Variants in CDC42BPA observed in about 807,000 individuals in gnomAD.
CDC42BPA encodes CDC42 binding protein kinase alpha.
Under a neutral mutation model 223.5 loss-of-function variants are expected in CDC42BPA, and 80 were observed. The ratio of observed to expected loss-of-function variants is 0.36; its 90% CI spans 0.30 to 0.43. CDC42BPA has a LOEUF of 0.43. CDC42BPA is among the 20% of genes least tolerant of loss of function. The pLI is 1.00. For missense variants in CDC42BPA, 1,743 were observed against 2,099.9 expected (o/e 0.83, Z 3.32); for synonymous variants, 694 against 718.6 (o/e 0.97, Z 0.55).
At chr1:227,142,892 A>G in intron 9 of CDC42BPA, 53 bp downstream of exon 9, 1 of 1,238,432 alleles carries the variant, frequency 8.1e-7, no homozygotes, top group Non-Finnish European at 1.1e-6. Flanking sequence ...TGTTGGGATT[A>G]CAGGCGTGAG....
At chr1:227,037,747 T>C (rs1352613652) in intron 24 of CDC42BPA, among the ~76,000 whole-genome samples, 1 of 152,194 alleles carries the variant, frequency 6.6e-6, no homozygotes, top group Non-Finnish European at 1.5e-5. Context: ...TACATCAATA[T>C]GAGAGATCTT....
intron 1 of CDC42BPA, among the ~76,000 whole-genome samples, chr1:227,297,967 T>TATATATACACACAC (rs369403944): frequency 3.6e-4 from 47 of 132,074 alleles, no homozygotes; most frequent in African/African-American, 1.3e-3. Flanking sequence ...TATATACATA[T>TATATATACACACAC]ACACACACAC....
chr1:227,000,659 T>C (rs1321297930), intron 35 of CDC42BPA, among the ~76,000 whole-genome samples: 1 of 152,212 alleles, frequency 6.6e-6, no homozygotes, highest in Non-Finnish European at 1.5e-5. Flanking sequence ...ACTGTGCTTC[T>C]GGTCTTTTCA....
chr1:227,226,523 C>A (rs1401661917), intron 2 of CDC42BPA, among the ~76,000 whole-genome samples: 1 of 152,116 alleles, frequency 6.6e-6, no homozygotes, highest in African/African-American at 2.4e-5. Flanking sequence ...TGAAGACTTT[C>A]ATCAATGACA....
intron 12 of CDC42BPA, among the ~76,000 whole-genome samples, chr1:227,115,278 T>A (rs1687594341): frequency 6.6e-6 from 1 of 152,056 alleles, no homozygotes. Flanking sequence ...TTATACTGGA[T>A]TAAGAAATGA....
At chr1:227,109,896 C>T (rs1686626519) in intron 14 of CDC42BPA, among the ~76,000 whole-genome samples, 1 of 151,750 alleles carries the variant, frequency 6.6e-6, no homozygotes, top group African/African-American at 2.4e-5. Flanking sequence ...ATCAAAACGT[C>T]ACGATCTCTA....
chr1:227,060,221 CG>C (rs1463115552), intron 21 of CDC42BPA, among the ~76,000 whole-genome samples: 1 of 151,756 alleles, frequency 6.6e-6, no homozygotes, highest in East Asian at 1.9e-4. Flanking sequence ...TTAATAGAGA[CG>C]GGGTTTCACC....
chr1:227,306,412 T>C (rs544127200), intron 1 of CDC42BPA, among the ~76,000 whole-genome samples: 16 of 152,148 alleles, frequency 1.1e-4, no homozygotes, highest in Non-Finnish European at 2.1e-4. Context: ...CAGAGGTACA[T>C]AGGCAAAAGA....
chr1:227,216,381 T>C (rs2813969), intron 2 of CDC42BPA, among the ~76,000 whole-genome samples: 95,922 of 152,050 alleles, frequency 0.63, 30,430 homozygotes, highest in East Asian at 0.74. Flanking sequence ...TGTATGTGGT[T>C]ATCAGGAATG....
intron 30 of CDC42BPA, 54 bp downstream of exon 30, chr1:227,028,603 G>C (rs1668696525): frequency 8.2e-7 from 1 of 1,222,186 alleles, no homozygotes; most frequent in African/African-American, 1.5e-5. Context: ...GAAGTAGAAG[G>C]GAAAAGGAAG....
At chr1:227,227,243 G>A (rs980734674) in intron 2 of CDC42BPA, among the ~76,000 whole-genome samples, 5 of 151,872 alleles carry the variant, frequency 3.3e-5, no homozygotes, top group Non-Finnish European at 5.9e-5. Context: ...AAAATATCCC[G>A]TCAACAGCTA....
intron 21 of CDC42BPA, among the ~76,000 whole-genome samples, chr1:227,056,638 G>A (rs1462353938): frequency 3.3e-5 from 5 of 152,040 alleles, no homozygotes; most frequent in Middle Eastern, 3.2e-3. Context: ...CGATTCTCCC[G>A]CCTTGGCCTC....
Position 227,010,996 on chromosome 1 carries a change from T to C in CDC42BPA, c.4857+5084A>G, listed in dbSNP as rs968158265. 5 of 1,361,734 alleles carry C rather than the reference T, an allele frequency of 3.7e-6. No homozygotes were observed. In the African/African-American group the frequency reaches 5.9e-5, roughly 16 times the overall value. 84.4% of individuals were successfully genotyped at this position (1,361,734 alleles called of 1,614,324 possible). A position where few individuals can be genotyped will look rare whatever the true frequency, so the allele number is the denominator to read the frequency against. On this transcript the variant is annotated intron_variant, in intron 34 of 36. Transcript: ENST00000366766. ...AGAATTAACAGTCATGTGATAGATG[T>C]GTTCAAAGTTGATCGGAGAGGAGAT...
At chr1:227,062,776 T>C (rs1676186550) in intron 21 of CDC42BPA, among the ~76,000 whole-genome samples, 1 of 151,630 alleles carries the variant, frequency 6.6e-6, no homozygotes, top group Non-Finnish European at 1.5e-5. Context: ...TGTCTTTGTA[T>C]CCATTATGCC....
At chr1:227,292,108 G>A (rs758976986) in intron 1 of CDC42BPA, among the ~76,000 whole-genome samples, 4 of 151,466 alleles carry the variant, frequency 2.6e-5, no homozygotes, top group East Asian at 3.9e-4. Context: ...TCAGCCTCCC[G>A]AGTAGCTGGG....
At chr1:227,206,423 C>A (rs1021806195) in intron 3 of CDC42BPA, among the ~76,000 whole-genome samples, 4 of 152,032 alleles carry the variant, frequency 2.6e-5, no homozygotes, top group African/African-American at 9.7e-5. Context: ...TTTGAGTAAC[C>A]CGTATATCAT....
At chr1:227,295,193 G>C (rs1290393819) in intron 1 of CDC42BPA, among the ~76,000 whole-genome samples, 1 of 151,876 alleles carries the variant, frequency 6.6e-6, no homozygotes, top group Non-Finnish European at 1.5e-5. Flanking sequence ...TTTTGATACA[G>C]GTTCTCACCC....
chr1:227,237,856 A>G (rs894384251), intron 2 of CDC42BPA, among the ~76,000 whole-genome samples: 1 of 151,644 alleles, frequency 6.6e-6, no homozygotes, highest in Non-Finnish European at 1.5e-5. Context: ...CCTGACCAAC[A>G]TGGAGAAACC....
chr1:227,292,093 C>T (rs900661878), intron 1 of CDC42BPA, among the ~76,000 whole-genome samples: 2 of 151,884 alleles, frequency 1.3e-5, no homozygotes, highest in Non-Finnish European at 2.9e-5. Flanking sequence ...AGTGATTCTT[C>T]TGCCTCAGCC....
Sources: gnomAD v4.1 joint callset for allele counts (sites outside exome capture counted in the v4.1 genomes callset) on GRCh38, gnomAD v4.1.1 for gene constraint, MANE v1.5 for transcripts, NCBI Gene and HGNC (gene_info 2026-07-23, HGNC 2026-07-21) for gene names.